The following PTPRS variants were observed in gnomAD, a reference collection of about 807,000 sequenced individuals.
PTPRS encodes the protein protein tyrosine phosphatase receptor type S.
A neutral mutation model predicts 215.3 loss-of-function variants in PTPRS; 63 were observed. The ratio of observed to expected loss-of-function variants is 0.29; its 90% confidence interval spans 0.24 to 0.36. The LOEUF (loss-of-function observed/expected upper bound fraction) is 0.36. Among genes scored for constraint, PTPRS ranks in the 10% least tolerant of loss-of-function variants. The probability of loss-of-function intolerance (pLI) is 1.00; values close to 1 mark genes in which losing one functional copy is unlikely to be tolerated. For missense variants in PTPRS, 2,258 were observed against 2,825.8 expected (o/e 0.80, Z 4.56); for synonymous variants, 1,404 against 1,191.4 (o/e 1.18, Z -3.68).
In PTPRS at chr19:5,287,417, GGTCCCTC is replaced by G. The variant is rs2048434253; in HGVS notation, c.-94-1190_-94-1184del. ...AACCTCAACTCCTCCAGGGCAGAAG[GGTCCCTC>G]GTCACATACCTTGAACCCTGGAATG... is the stretch of plus-strand genomic sequence containing the variant. On this transcript the variant is annotated intron_variant, in intron 1 of 37. Coordinates refer to ENST00000262963, the MANE Select transcript of PTPRS (RefSeq NM_002850.4). The surrounding 1 kb of genome is among the most constrained non-coding windows in gnomAD (Gnocchi z 4.8). Among the ~76,000 whole-genome samples the G allele has an allele frequency of 1.3e-5, 2 of 152,164 alleles. No homozygotes were observed. The highest frequency in any genetic ancestry group is 4.1e-4 in the South Asian group (2 of 4,822).
chr19:5,220,804 A>G (rs1419781711), intron 20 of PTPRS, among the ~76,000 whole-genome samples, 196 bp downstream of exon 20: 1 of 152,182 alleles, frequency 6.6e-6, no homozygotes, highest in Non-Finnish European at 1.5e-5. Context: ...ATGCTAGAAG[A>G]GCAGACACAG....
intron 4 of PTPRS, among the ~76,000 whole-genome samples, chr19:5,271,742 G>T (rs942619871): frequency 1.3e-5 from 2 of 150,660 alleles, no homozygotes; most frequent in Non-Finnish European, 2.9e-5. Flanking sequence ...CATTTATTTT[G>T]AGACAGAGTT....
rs1415639092 is a variant in PTPRS at position 5,273,575 on chromosome 19, C to G, written c.246G>C (p.Glu82Asp). ...GCACTGCCCCTGCACTCTCATCAAA[C>G]TCAATCGTCTGCCATGGGCAGGGGA... ...KVNSQRFETI[E>D]FDESAGAVLR... The change falls in exon 4 of 38, where the codon GAG becomes GAC. Residue 82 changes from glutamate (E) to aspartate (D), a missense_variant. Transcript: ENST00000262963. 1 of 1,614,136 alleles carries G rather than the reference C, an allele frequency of 6.2e-7. No homozygotes were observed. Among genetic ancestry groups the G allele is most frequent in the African/African-American group, 1.3e-5 (1 of 75,024 alleles).
intron 8 of PTPRS, among the ~76,000 whole-genome samples, chr19:5,256,425 C>T (rs1170393542): frequency 2.0e-5 from 3 of 152,040 alleles, no homozygotes; most frequent in African/African-American, 7.2e-5. Context: ...GGAAACAGAA[C>T]CTCACCCCCT....
At chr19:5,288,002 AC>A (rs1176292915) in intron 1 of PTPRS, among the ~76,000 whole-genome samples, 37 of 142,020 alleles carry the variant, frequency 2.6e-4, no homozygotes, top group East Asian at 2.1e-3. Context: ...ACACACACAC[AC>A]ACACACAATC....
intron 1 of PTPRS, among the ~76,000 whole-genome samples, chr19:5,312,241 G>T (rs1269521614): frequency 1.3e-5 from 2 of 152,106 alleles, no homozygotes; most frequent in African/African-American, 4.8e-5. Context: ...ACGCAGCCCT[G>T]AAAAAGACAT....
In PTPRS at chr19:5,212,214, G is replaced by A. The variant is rs115634987; in HGVS notation, c.4806C>T (p.Ile1602=). The change falls in exon 32 of 38, where the codon ATC becomes ATT. Residue 1602 remains isoleucine, a synonymous_variant. Coordinates refer to ENST00000262963, the MANE Select transcript of PTPRS (RefSeq NM_002850.4). The part of the protein sequence containing the change: ...GVGRTGCFIV[I]DAMLERIKPE... ...GCTTGATCCGCTCAAGCATGGCGTC[G>A]ATGACGATAAAGCAGCCTGTGCGGC... 2.2e-5 allele frequency: 35 copies of A among 1,613,272 alleles called. No homozygotes were observed. The highest frequency in any genetic ancestry group is 1.2e-4 in the African/African-American group (9 of 75,050).
chr19:5,340,556 GGCACAAAGCCGGCGCGCT>G (rs2050660959), intron 1 of PTPRS, 90 bp downstream of exon 1: 1 of 151,436 alleles, frequency 6.6e-6, no homozygotes, highest in South Asian at 2.1e-4. Context: ...AGGCTTCCCC[GGCACAAAGCCGGCGCGCT>G]GCCCACTCGG....
intron 1 of PTPRS, among the ~76,000 whole-genome samples, chr19:5,288,420 C>G (rs914926660): frequency 6.6e-6 from 1 of 152,204 alleles, no homozygotes; most frequent in Admixed American, 6.5e-5. Context: ...CAGTTGGGGA[C>G]TGGGAAGATG....
chr19:5,327,417 G>A (rs2050199103), intron 1 of PTPRS, among the ~76,000 whole-genome samples: 3 of 152,162 alleles, frequency 2.0e-5, no homozygotes. Context: ...CTGAGGCCCT[G>A]GAGGGTGAAA....
intron 9 of PTPRS, among the ~76,000 whole-genome samples, chr19:5,248,481 T>C (rs909391934): frequency 2.6e-5 from 4 of 151,744 alleles, no homozygotes; most frequent in African/African-American, 9.7e-5. Flanking sequence ...GCCCTCCCCC[T>C]GGCAGAACAC....
intron 2 of PTPRS, among the ~76,000 whole-genome samples, chr19:5,279,963 G>T (rs537092499): frequency 6.6e-6 from 1 of 152,292 alleles, no homozygotes; most frequent in Admixed American, 6.5e-5. Context: ...GATTACAGGC[G>T]TGAGCCACCA....
chr19:5,239,086 C>A, intron 12 of PTPRS, 23 bp from the exon 13 acceptor site: 1 of 1,573,786 alleles, frequency 6.4e-7, no homozygotes, highest in Non-Finnish European at 8.6e-7. Context: ...CAGAGAAGGA[C>A]AGAGAGGGAT....
intron 2 of PTPRS, among the ~76,000 whole-genome samples, chr19:5,278,801 G>C (rs2047610204): frequency 6.6e-6 from 1 of 151,976 alleles, no homozygotes; most frequent in African/African-American, 2.4e-5. Flanking sequence ...TAAACTACTA[G>C]GGTAGGAACA....
chr19:5,227,445 G>A (rs990326815), intron 16 of PTPRS, among the ~76,000 whole-genome samples: 82 of 140,104 alleles, frequency 5.9e-4, no homozygotes, highest in African/African-American at 2.1e-3. Context: ...ATAGAGTTTC[G>A]CTCTTGTTGC....
chr19:5,271,442 G>C (rs929359418), intron 4 of PTPRS, among the ~76,000 whole-genome samples: 1 of 148,204 alleles, frequency 6.7e-6, no homozygotes, highest in Admixed American at 6.9e-5. Flanking sequence ...TGGTCGCCCA[G>C]ACTGGAGTGC....
chr19:5,248,589 A>C (rs1352345423), intron 9 of PTPRS, among the ~76,000 whole-genome samples: 1 of 152,130 alleles, frequency 6.6e-6, no homozygotes, highest in African/African-American at 2.4e-5. Context: ...CTTCGGAACA[A>C]ACCAACCCAG....
chr19:5,315,794 T>C (rs1052674507), intron 1 of PTPRS, among the ~76,000 whole-genome samples: 1 of 140,762 alleles, frequency 7.1e-6, no homozygotes, highest in African/African-American at 2.7e-5. Flanking sequence ...ACCTAGCTAA[T>C]TTTTTTTTTA....
Position 5,219,428 on chromosome 19 carries a change from C to T in PTPRS, c.3805G>A (p.Asp1269Asn), listed in dbSNP as rs761904835. ...ACGATGGGCTGGGGGTCCGGGTTAT[C>T]CAGCTGGAAGGGGTCTGAGAAGGGA... ...ASPFSDPFQL[D>N]NPDPQPIVDG... The change falls in exon 23 of 38, where the codon GAT (aspartate) becomes AAT (asparagine). Residue 1269 changes from aspartate to asparagine, a missense_variant. Asp to Asn is a conservative substitution (Grantham distance 23). Coordinates refer to ENST00000262963, the MANE Select transcript of PTPRS (RefSeq NM_002850.4). 7.5e-6 allele frequency: 12 copies of T among 1,610,562 alleles called. No homozygotes were observed. Among genetic ancestry groups the T allele is most frequent in the Non-Finnish European group, 9.3e-6 (11 of 1,178,426 alleles).
Sources: allele counts gnomAD v4.1 joint callset (sites outside exome capture counted in the v4.1 genomes callset), GRCh38; gene constraint gnomAD v4.1.1; non-coding constraint Gnocchi (gnomAD v3.1); transcripts MANE v1.5; gene names NCBI Gene and HGNC (gene_info 2026-07-23, HGNC 2026-07-21).